The following TMEM63C variants were observed in gnomAD, a reference collection of about 807,000 sequenced individuals.
The protein encoded by TMEM63C is osmosensitive cation channel TMEM63C.
A neutral mutation model predicts 99.2 loss-of-function variants in TMEM63C; 32 were observed. The observed-to-expected ratio is 0.32, with a 90% confidence interval of 0.24 to 0.43. TMEM63C has a LOEUF of 0.43. Among genes scored for constraint, TMEM63C ranks in the 20% least tolerant of loss-of-function variants. TMEM63C has a pLI of 1.00. For synonymous variants in TMEM63C, 376 were observed against 397.9 expected, an observed-to-expected ratio of 0.94 and a Z score of 0.66; for missense variants, 826 against 1,053.0, an observed-to-expected ratio of 0.78 and a Z score of 2.98.
At chr14:77,251,001 G>A (rs1889350571) in intron 21 of TMEM63C, among the ~76,000 whole-genome samples, 1 of 152,164 alleles carries the variant, frequency 6.6e-6, no homozygotes, top group Non-Finnish European at 1.5e-5. Flanking sequence ...ACATTGAGAG[G>A]GAGCAGTTGG....
intron 2 of TMEM63C, among the ~76,000 whole-genome samples, 192 bp from the exon 3 acceptor site, chr14:77,218,609 T>C (rs1888635101): frequency 6.6e-6 from 1 of 152,134 alleles, no homozygotes; most frequent in South Asian, 2.1e-4. Context: ...CGGCCTTGGG[T>C]TTGAGGCAGC....
chr14:77,197,043 G>T (rs1322195991), intron 1 of TMEM63C, among the ~76,000 whole-genome samples: 1 of 152,210 alleles, frequency 6.6e-6, no homozygotes, highest in Non-Finnish European at 1.5e-5. Flanking sequence ...TCTAAGTGAG[G>T]CTTTCTTCCC....
Position 77,242,349 on chromosome 14 carries a change from TCC to T in TMEM63C, c.1068_1069del (p.Arg357Ter). 6.2e-7 allele frequency: 1 copy of T among 1,609,768 alleles called. No individual in the cohort carries two copies. Among genetic ancestry groups the T allele is most frequent in the African/African-American group, 1.3e-5 (1 of 74,660 alleles). On this transcript the variant is annotated frameshift_variant, in exon 14 of 24. Transcript: ENST00000298351. LOFTEE classifies it high-confidence loss of function. The stretch of plus-strand genomic sequence containing the variant: ...TTCCTCTTCTCCCCTCTCTGCAGTG[TCC>T]GTAAGGATTACAAGTATGTCCAGTG...
At position 77,218,961 on chromosome 14, in the gene TMEM63C, G is replaced by A; in HGVS notation, c.148G>A (p.Val50Met). The A allele has an allele frequency of 1.9e-6, 3 of 1,585,476 alleles. No homozygotes were observed. The highest frequency in any genetic ancestry group is 2.3e-5 in the East Asian group (1 of 43,800). Residue 50 changes from valine to methionine, a missense_variant and splice_region_variant, in exon 3 of 24, where the codon GTG becomes ATG. Transcript: ENST00000298351. Reference protein sequence around the residue: ...TVLCLNIALWVLVLVVYSFLR... With the variant: ...TVLCLNIALWMLVLVVYSFLR... ...GCTGTGCCTCAACATCGCCCTGTGG[G>A]TGGTGAGTCCTGGGCACTGCAGGAG...
At chr14:77,205,604 G>A (rs1316976580) in intron 1 of TMEM63C, among the ~76,000 whole-genome samples, 2 of 152,232 alleles carry the variant, frequency 1.3e-5, no homozygotes, top group Non-Finnish European at 2.9e-5. Context: ...ATTCCCGTTG[G>A]GGGAGGATCA....
At chr14:77,204,976 C>T (rs1888370401) in intron 1 of TMEM63C, among the ~76,000 whole-genome samples, 1 of 152,192 alleles carries the variant, frequency 6.6e-6, no homozygotes, top group Non-Finnish European at 1.5e-5. Flanking sequence ...TGCTCAGAGG[C>T]ACAGGACTTG....
At chr14:77,183,539 A>G (rs1887947721) in intron 1 of TMEM63C, among the ~76,000 whole-genome samples, 1 of 152,182 alleles carries the variant, frequency 6.6e-6, no homozygotes, top group Non-Finnish European at 1.5e-5. Flanking sequence ...GAGTGCCAGC[A>G]GCTGTGAGCA....
rs1291029561 is a variant in TMEM63C, at chr14:77,258,272, G to A, written c.*1546G>A. On this transcript the variant is annotated 3_prime_UTR_variant, in exon 24 of 24. Coordinates refer to ENST00000298351, the MANE Select transcript of TMEM63C (RefSeq NM_020431.4). ...GGCCGGCCCCCGGCTCACCTCACCT[G>A]AGCACCTGCACCAGGCCCCAGGCAC... 6.5e-6 allele frequency: 1 copy of A among 153,052 alleles called. No homozygotes were observed. Among genetic ancestry groups the A allele is most frequent in the Non-Finnish European group, 1.5e-5 (1 of 68,820 alleles). The allele number at this position is 153,052 out of a possible 1,614,324, so 9.5% of individuals were successfully genotyped here. A position where few individuals can be genotyped will look rare whatever the true frequency, so the allele number is the denominator to read the frequency against.
At chr14:77,252,056 A>G (rs1005286584) in intron 22 of TMEM63C, among the ~76,000 whole-genome samples, 158 bp downstream of exon 22, 15 of 141,248 alleles carry the variant, frequency 1.1e-4, no homozygotes, top group African/African-American at 2.7e-4. Flanking sequence ...GCATGCGTGC[A>G]TGCATGCGTG....
chr14:77,243,158 G>T (rs146589957), intron 15 of TMEM63C, 102 bp downstream of exon 15: 2 of 1,376,178 alleles, frequency 1.5e-6, no homozygotes, highest in Non-Finnish European at 2.0e-6. Flanking sequence ...GGGCTGTGGA[G>T]CCCATACAGT....
chr14:77,239,506 G>A lies in TMEM63C; in HGVS notation c.806+14G>A, dbSNP rs762449588. On this transcript the variant is annotated intron_variant, in intron 11 of 23. Coordinates refer to ENST00000298351, the MANE Select transcript of TMEM63C (RefSeq NM_020431.4). ...GGACGATCAGAGGTGAGGCTGCAGCGGGGCCTTTTGGGGCCCGGGGTGGGG... is the reference window on the plus strand; with the variant it reads ...GGACGATCAGAGGTGAGGCTGCAGCAGGGCCTTTTGGGGCCCGGGGTGGGG... The A allele has an allele frequency of 2.5e-5, 40 of 1,612,966 alleles. No individual in the cohort carries two copies. Among genetic ancestry groups the A allele is most frequent in the Admixed American group, 5.0e-5 (3 of 60,008 alleles).
intron 1 of TMEM63C, among the ~76,000 whole-genome samples, chr14:77,196,645 C>G (rs1039251684): frequency 6.6e-6 from 1 of 152,220 alleles, no homozygotes; most frequent in African/African-American, 2.4e-5. Flanking sequence ...TAACTCTTGA[C>G]ACTTTATCCT....
At chr14:77,236,857 G>C (rs1889070051) in intron 9 of TMEM63C, 125 bp downstream of exon 9, 4 of 693,738 alleles carry the variant, frequency 5.8e-6, no homozygotes, top group Non-Finnish European at 1.0e-5. Flanking sequence ...ATGGGAGGGG[G>C]CGGTTTCACC....
intron 18 of TMEM63C, among the ~76,000 whole-genome samples, chr14:77,247,954 T>C (rs1306044376): frequency 6.6e-6 from 1 of 152,152 alleles, no homozygotes; most frequent in Non-Finnish European, 1.5e-5. Context: ...CAGTTAGAGA[T>C]TAGTGAAAAT....
At chr14:77,251,653 T>G (rs1437154218) in intron 21 of TMEM63C, 136 bp from the exon 22 acceptor site, 6 of 672,054 alleles carry the variant, frequency 8.9e-6, no homozygotes, top group African/African-American at 1.8e-5. Flanking sequence ...GACTCCTAGA[T>G]GCCAGTTGTT....
At chr14:77,209,008 C>A (rs1278608570) in intron 1 of TMEM63C, among the ~76,000 whole-genome samples, 1 of 152,088 alleles carries the variant, frequency 6.6e-6, no homozygotes, top group African/African-American at 2.4e-5. Flanking sequence ...TCAGGAGTGA[C>A]TGCAGCGGAG....
Position 77,240,585 on chromosome 14 carries a change from C to G in TMEM63C, c.1041C>G (p.Phe347Leu). Residue 347 changes from phenylalanine to leucine, a missense_variant, in exon 13 of 24, where the codon TTC becomes TTG. By Grantham distance (22) the Phe-to-Leu change is conservative. Transcript: ENST00000298351. ...LKRLDLIFVTFQDSRMAKRVR... is the reference protein window; with the variant it reads ...LKRLDLIFVTLQDSRMAKRVR... ...GGCTGGACCTGATCTTTGTCACCTT[C>G]CAGGACTCCAGGATGGCCAAGCGGT... 1.9e-6 allele frequency: 3 copies of G among 1,610,588 alleles called. No homozygotes were observed. The highest frequency in any genetic ancestry group is 8.5e-7 in the Non-Finnish European group (1 of 1,179,878).
Position 77,240,144 on chromosome 14 carries a change from C to T in TMEM63C, c.931-331C>T, listed in dbSNP as rs546703913. ...TCAGACACCTGCTTCAGGACCATGCCGAACTTCTGCCAGCCCAGAGATTCA... is the reference window on the plus strand; with the variant it reads ...TCAGACACCTGCTTCAGGACCATGCTGAACTTCTGCCAGCCCAGAGATTCA... On this transcript the variant is annotated intron_variant, in intron 12 of 23. Coordinates refer to ENST00000298351, the MANE Select transcript of TMEM63C (RefSeq NM_020431.4). 2.6e-5 allele frequency among the ~76,000 whole-genome samples: 4 copies of T among 152,304 alleles called. No homozygotes were observed. The South Asian group carries it at 6.2e-4, about 24-fold the overall frequency.
chr14:77,211,135 C>G (rs1888490658), intron 1 of TMEM63C, among the ~76,000 whole-genome samples: 1 of 152,236 alleles, frequency 6.6e-6, no homozygotes, highest in Admixed American at 6.5e-5. Context: ...GCTAGGGAAG[C>G]TGCTGTCCCT....
Sources: allele counts gnomAD v4.1 joint callset (sites outside exome capture counted in the v4.1 genomes callset), GRCh38; gene constraint gnomAD v4.1.1; transcripts MANE v1.5; gene names NCBI Gene and HGNC (gene_info 2026-07-23, HGNC 2026-07-21).